SMC5: variants seen among roughly 807,000 people sequenced by gnomAD.
SMC5 encodes structural maintenance of chromosomes protein 5.
In SMC5, 88 loss-of-function variants were observed where a neutral mutation model predicts 148.3. The observed-to-expected ratio is 0.59, with a 90% CI of 0.50 to 0.71. The LOEUF (loss-of-function observed/expected upper bound fraction) is 0.71, where lower values mean the gene tolerates loss of function less well. Ranked by LOEUF, SMC5 falls within the 30% of genes least tolerant of loss-of-function variation. The probability of loss-of-function intolerance (pLI) is 0.00; values close to 1 mark genes in which losing one functional copy is unlikely to be tolerated. For synonymous variants in SMC5, 421 were observed against 432.8 expected (o/e 0.97, Z 0.34); for missense variants, 1,142 against 1,298.9 (o/e 0.88, Z 1.86).
chr9:70,270,867 G>C (rs1005306869), intron 3 of SMC5, among the ~76,000 whole-genome samples: 1 of 151,860 alleles, frequency 6.6e-6, no homozygotes, highest in African/African-American at 2.4e-5. Flanking sequence ...GGCTGGTCTT[G>C]AACTCCTGAC....
At chr9:70,282,605 G>A in intron 7 of SMC5, 22 bp downstream of exon 7, 2 of 1,538,368 alleles carry the variant, frequency 1.3e-6, no homozygotes, top group African/African-American at 1.4e-5. Context: ...TTTCAATTTT[G>A]GATTATCTGA....
chr9:70,344,351 C>T, intron 18 of SMC5, 82 bp downstream of exon 18: 49 of 1,090,064 alleles, frequency 4.5e-5, no homozygotes, highest in Non-Finnish European at 5.7e-5. Flanking sequence ...TGTAACAGGC[C>T]GTGAAAAACA....
intron 17 of SMC5, among the ~76,000 whole-genome samples, chr9:70,332,798 A>G (rs1250184845): frequency 2.0e-5 from 3 of 152,216 alleles, no homozygotes; most frequent in Non-Finnish European, 4.4e-5. Flanking sequence ...GATATTCATC[A>G]ATATAATTCA....
intron 17 of SMC5, among the ~76,000 whole-genome samples, chr9:70,326,222 A>G (rs2036070917): frequency 6.6e-6 from 1 of 152,148 alleles, no homozygotes; most frequent in Admixed American, 6.5e-5. Flanking sequence ...AAATAAAAGG[A>G]TGGATGGGTG....
At chr9:70,293,554 C>T (rs1480758348) in intron 8 of SMC5, among the ~76,000 whole-genome samples, 3 of 151,926 alleles carry the variant, frequency 2.0e-5, no homozygotes, top group African/African-American at 7.3e-5. Context: ...TGATGCTTTT[C>T]CTCTTATGTA....
intron 1 of SMC5, among the ~76,000 whole-genome samples, chr9:70,263,443 A>G (rs1368109872): frequency 6.6e-6 from 1 of 152,200 alleles, no homozygotes; most frequent in Non-Finnish European, 1.5e-5. Flanking sequence ...ATAGCAGGCT[A>G]AGCATTTATT....
At position 70,318,840 on chromosome 9, in the gene SMC5, T is replaced by C; in HGVS notation, c.2027T>C (p.Leu676Ser). Residue 676 changes from leucine to serine, a missense_variant, in exon 15 of 25, where the codon TTA becomes TCA. Physicochemically the swap from Leu to Ser is moderately radical, Grantham distance 145 (BLOSUM62 -2). Around this residue, in one of 5 missense-constraint regions of SMC5, gnomAD observed 743 missense variants for 835.7 expected, o/e 0.89. Transcript: ENST00000361138. ...LQAVDSGLIA[L>S]RETSKHLEHK... ...GCAGTGGATTCAGGGTTGATTGCCT[T>C]ACGTGAAACAAGCAAACATCTGGAG... 6.2e-7 allele frequency: 1 copy of C among 1,607,814 alleles called. No individual in the cohort carries two copies. The highest frequency in any genetic ancestry group is 8.5e-7 in the Non-Finnish European group (1 of 1,177,718).
At chr9:70,341,074 C>T (rs2036510181) in intron 17 of SMC5, among the ~76,000 whole-genome samples, 1 of 151,804 alleles carries the variant, frequency 6.6e-6, no homozygotes, top group African/African-American at 2.4e-5. Flanking sequence ...ACTAGTCTGA[C>T]TTTACAGCAT....
rs1278599493 is a variant in SMC5 at position 70,353,694 on chromosome 9, A to G, written c.*1363A>G. 6.6e-6 allele frequency: 1 copy of G among 152,202 alleles called. No homozygotes were observed. 9.4% of individuals were successfully genotyped at this position (152,202 alleles called of 1,614,324 possible). The stretch of plus-strand genomic sequence containing the variant: ...TTAGACATTTTCTCTTTAAAAAGGT[A>G]TTTTCTTCTTTATAAACATTTTAAA... On this transcript the variant is annotated 3_prime_UTR_variant, in exon 25 of 25. Transcript: ENST00000361138.
chr9:70,288,077 A>G (rs2034958801), intron 8 of SMC5, among the ~76,000 whole-genome samples: 1 of 152,182 alleles, frequency 6.6e-6, no homozygotes, highest in Non-Finnish European at 1.5e-5. Flanking sequence ...AAAAAGACAT[A>G]AAACTCATCC....
In SMC5 at chr9:70,352,489, C is replaced by CCTG; in HGVS notation, c.*158_*159insCTG. 1.4e-6 allele frequency: 1 copy of CCTG among 692,350 alleles called. No individual in the cohort carries two copies. The highest frequency in any genetic ancestry group is 2.3e-6 in the Non-Finnish European group (1 of 443,192). 42.9% of individuals were successfully genotyped at this position (692,350 alleles called of 1,614,324 possible). A position where few individuals can be genotyped will look rare whatever the true frequency, so the allele number is the denominator to read the frequency against. On this transcript the variant is annotated 3_prime_UTR_variant, in exon 25 of 25. Coordinates refer to ENST00000361138, the MANE Select transcript of SMC5 (RefSeq NM_015110.4). ...GGTTGATAATGGAAACTATAATGAC[C>CCTG]TTTCCAAAATAGCAGCTGGTAGTAA... is the stretch of plus-strand genomic sequence containing the variant.
At chr9:70,348,603 A>G (rs2036727641) in intron 22 of SMC5, among the ~76,000 whole-genome samples, 1 of 151,958 alleles carries the variant, frequency 6.6e-6, no homozygotes, top group African/African-American at 2.4e-5. Context: ...AGGTGCAAGG[A>G]TGACTTGAGC....
intron 24 of SMC5, among the ~76,000 whole-genome samples, chr9:70,351,657 C>T (rs2036806885): frequency 1.3e-5 from 2 of 152,080 alleles, no homozygotes; most frequent in African/African-American, 4.8e-5. Context: ...CCCAGTTATC[C>T]TGTGAATCTA....
chr9:70,272,994 G>T (rs2034492565), intron 3 of SMC5, among the ~76,000 whole-genome samples: 1 of 152,116 alleles, frequency 6.6e-6, no homozygotes, highest in African/African-American at 2.4e-5. Context: ...GCTCAATTTT[G>T]CATTCTTAGA....
chr9:70,273,996 T>G (rs983737567), intron 3 of SMC5, among the ~76,000 whole-genome samples: 31 of 152,240 alleles, frequency 2.0e-4, no homozygotes, highest in Admixed American at 4.6e-4. Context: ...CTGACAAAGG[T>G]GTATTACACT....
At chr9:70,348,139 GAA>G in intron 22 of SMC5, 101 bp downstream of exon 22, 1 of 1,146,420 alleles carries the variant, frequency 8.7e-7, no homozygotes, top group South Asian at 2.0e-5. Context: ...TTATATCTGT[GAA>G]AAGTTTTGTT....
intron 22 of SMC5, among the ~76,000 whole-genome samples, chr9:70,349,706 A>G (rs1022833670): frequency 1.3e-5 from 2 of 152,128 alleles, no homozygotes; most frequent in Non-Finnish European, 2.9e-5. Flanking sequence ...ATGACACTCC[A>G]TTATGTTCTA....
At chr9:70,286,143 T>C in intron 7 of SMC5, 57 bp from the exon 8 acceptor site, 1 of 1,055,598 alleles carries the variant, frequency 9.5e-7, no homozygotes, top group Non-Finnish European at 1.5e-6. Flanking sequence ...GCCATATAAT[T>C]TGCTTGCATG....
intron 11 of SMC5, among the ~76,000 whole-genome samples, chr9:70,306,755 T>C (rs979984539): frequency 6.6e-6 from 1 of 152,226 alleles, no homozygotes; most frequent in Admixed American, 6.5e-5. Context: ...TTGACCTGTA[T>C]TCTTTTTTCT....
Sources: allele counts gnomAD v4.1 joint callset (sites outside exome capture counted in the v4.1 genomes callset), GRCh38; gene constraint gnomAD v4.1.1; regional missense constraint gnomAD v4.1.1; transcripts MANE v1.5; gene names NCBI Gene and HGNC (gene_info 2026-07-23, HGNC 2026-07-21).